The following RAPGEF4 variants were observed in gnomAD, a reference collection of about 807,000 sequenced individuals.
The protein encoded by RAPGEF4 is Rap guanine nucleotide exchange factor 4, also known as RAP guanine-nucleotide-exchange factor (GEF) 4.
A neutral mutation model predicts 147.9 loss-of-function variants in RAPGEF4; 66 were observed. The ratio of observed to expected loss-of-function variants is 0.45; its 90% CI spans 0.37 to 0.55. The LOEUF is 0.55. RAPGEF4 is among the 20% of genes least tolerant of loss of function. The pLI, the probability that RAPGEF4 is intolerant of heterozygous loss-of-function variation, is 0.00. For missense variants in RAPGEF4, 1,071 were observed against 1,257.3 expected (o/e 0.85, Z 2.24); for synonymous variants, 419 against 442.7 (o/e 0.95, Z 0.67).
At chr2:172,841,627 C>T (rs1189012439) in intron 4 of RAPGEF4, among the ~76,000 whole-genome samples, 1 of 152,172 alleles carries the variant, frequency 6.6e-6, no homozygotes, top group African/African-American at 2.4e-5. Context: ...AAGAAACACT[C>T]TGCCTATTTC....
rs77691421 is a variant in RAPGEF4, at chr2:172,781,625, C to T, written c.66-13400C>T. Among the ~76,000 whole-genome samples, 1,378 of 152,266 alleles carry T rather than the reference C, an allele frequency of 9.0e-3. 15 individuals are homozygous for T. The highest frequency in any genetic ancestry group is 0.025 in the African/African-American group (1,030 of 41,542). ...CAATGCTGCATTTATGTACAGTCGT[C>T]CTGGGGTACCCATGGGAGGATTTGT... On this transcript the variant is annotated intron_variant, in intron 1 of 30. Coordinates refer to ENST00000397081, the MANE Select transcript of RAPGEF4 (RefSeq NM_007023.4).
At chr2:173,023,256 A>T (rs970533841) in intron 23 of RAPGEF4, among the ~76,000 whole-genome samples, 2 of 151,910 alleles carry the variant, frequency 1.3e-5, no homozygotes, top group African/African-American at 4.8e-5. Context: ...TAACAATGCT[A>T]CTCTCCCAAT....
chr2:172,886,470 A>T (rs1400114225), intron 4 of RAPGEF4, among the ~76,000 whole-genome samples: 1 of 152,246 alleles, frequency 6.6e-6, no homozygotes, highest in African/African-American at 2.4e-5. Context: ...CACTCGGCAT[A>T]GTCCCTGACA....
chr2:172,876,989 G>A (rs1018964439), intron 4 of RAPGEF4, among the ~76,000 whole-genome samples: 7 of 152,080 alleles, frequency 4.6e-5, no homozygotes, highest in East Asian at 1.9e-4. Flanking sequence ...TGTAGGTGTC[G>A]AGGAATTTAT....
intron 21 of RAPGEF4, among the ~76,000 whole-genome samples, chr2:173,018,247 C>T (rs1005160158): frequency 7.9e-5 from 12 of 152,228 alleles, no homozygotes; most frequent in African/African-American, 1.2e-4. Flanking sequence ...AGCACGTGCT[C>T]ATGGCCCAGG....
intron 17 of RAPGEF4, among the ~76,000 whole-genome samples, chr2:173,003,613 C>T (rs997386300): frequency 1.3e-5 from 2 of 151,908 alleles, no homozygotes; most frequent in Non-Finnish European, 2.9e-5. Context: ...TTACCCCCAG[C>T]CCCCACAAAA....
intron 4 of RAPGEF4, among the ~76,000 whole-genome samples, chr2:172,825,374 C>G (rs892045240): frequency 2.0e-5 from 3 of 152,164 alleles, no homozygotes; most frequent in Non-Finnish European, 4.4e-5. Flanking sequence ...ATGCTTATTG[C>G]TTTTGCACCA....
chr2:172,755,577 G>T (rs1322426893), intron 1 of RAPGEF4, among the ~76,000 whole-genome samples: 1 of 152,080 alleles, frequency 6.6e-6, no homozygotes, highest in Non-Finnish European at 1.5e-5. Context: ...TGTATTTTTA[G>T]TAGAGACAGG....
chr2:172,809,866 C>T (rs980841265), intron 3 of RAPGEF4, among the ~76,000 whole-genome samples: 2 of 152,036 alleles, frequency 1.3e-5, no homozygotes, highest in African/African-American at 4.8e-5. Flanking sequence ...TTAAATTTCC[C>T]CTAATGAATA....
At chr2:172,933,753 G>T (rs1686230041) in intron 6 of RAPGEF4, among the ~76,000 whole-genome samples, 1 of 152,078 alleles carries the variant, frequency 6.6e-6, no homozygotes, top group Admixed American at 6.6e-5. Context: ...ATGCTTTCAG[G>T]TTTCACCTTT....
At chr2:173,008,819 GGTGA>G (rs779505795) in intron 17 of RAPGEF4, among the ~76,000 whole-genome samples, 4 of 152,108 alleles carry the variant, frequency 2.6e-5, no homozygotes, top group Admixed American at 2.6e-4. Context: ...AGGTGCCTGT[GGTGA>G]GTAAGATAAT....
chr2:172,963,049 A>G (rs1689459951), intron 8 of RAPGEF4, among the ~76,000 whole-genome samples: 1 of 152,192 alleles, frequency 6.6e-6, no homozygotes, highest in African/African-American at 2.4e-5. Context: ...AAGGGGAAGC[A>G]GGCACATCAT....
intron 29 of RAPGEF4, among the ~76,000 whole-genome samples, chr2:173,043,721 G>A (rs1177714105): frequency 6.6e-6 from 1 of 152,236 alleles, no homozygotes; most frequent in Non-Finnish European, 1.5e-5. Flanking sequence ...GGTGACGCCT[G>A]CCAAGAGCCA....
chr2:172,860,252 T>G, intron 4 of RAPGEF4: 2 of 985,416 alleles, frequency 2.0e-6, no homozygotes, highest in Non-Finnish European at 2.4e-6. Context: ...AAAACTAGAA[T>G]GTACCCCTAG....
intron 4 of RAPGEF4, among the ~76,000 whole-genome samples, chr2:172,875,187 T>C (rs1391401891): frequency 2.0e-5 from 3 of 152,190 alleles, no homozygotes; most frequent in Admixed American, 6.5e-5. Context: ...TTTTCTCCCA[T>C]TCTGTATGTT....
At chr2:172,976,599 T>C (rs1691098968) in intron 10 of RAPGEF4, among the ~76,000 whole-genome samples, 1 of 152,192 alleles carries the variant, frequency 6.6e-6, no homozygotes, top group African/African-American at 2.4e-5. Context: ...CTTATGTAGA[T>C]ATTTATAATG....
At chr2:172,868,786 A>C (rs1026519472) in intron 4 of RAPGEF4, among the ~76,000 whole-genome samples, 3 of 152,202 alleles carry the variant, frequency 2.0e-5, no homozygotes, top group African/African-American at 7.2e-5. Context: ...TAATTTGTAA[A>C]GATATGAGGT....
chr2:172,963,651 G>A (rs1689527754), intron 8 of RAPGEF4, among the ~76,000 whole-genome samples: 1 of 152,118 alleles, frequency 6.6e-6, no homozygotes, highest in Admixed American at 6.6e-5. Context: ...GACCTATTGG[G>A]AATAACCACA....
chr2:172,816,218 C>T (rs1341256484), intron 4 of RAPGEF4, among the ~76,000 whole-genome samples: 2 of 151,966 alleles, frequency 1.3e-5, no homozygotes, highest in African/African-American at 4.8e-5. Context: ...GCTCCAATAA[C>T]GAGCCATGTC....
Sources: gnomAD v4.1 joint callset for allele counts (sites outside exome capture counted in the v4.1 genomes callset) on GRCh38, gnomAD v4.1.1 for gene constraint, MANE v1.5 for transcripts, NCBI Gene and HGNC (gene_info 2026-07-23, HGNC 2026-07-21) for gene names.